NFIB: variants seen among roughly 807,000 people sequenced by gnomAD.
NFIB encodes the protein nuclear factor I B, also known as nuclear factor 1 B-type.
In NFIB, 11 loss-of-function variants were observed where a neutral mutation model predicts 61.5. The observed-to-expected ratio is 0.18, with a 90% confidence interval of 0.11 to 0.30. NFIB has a LOEUF of 0.30. NFIB is among the 10% of genes least tolerant of loss of function. NFIB has a pLI of 1.00. For missense variants in NFIB, 471 were observed against 608.9 expected, an observed-to-expected ratio of 0.77 and a Z score of 2.38; for synonymous variants, 260 against 216.5, an observed-to-expected ratio of 1.20 and a Z score of -1.76.
chr9:14,443,801 A>G, the NFIB span, among the ~76,000 whole-genome samples: 1 of 152,206 alleles, frequency 6.6e-6, no homozygotes, highest in Non-Finnish European at 1.5e-5. Context: ...TGAAGACAGA[A>G]ACTGACTTAC....
At chr9:14,189,200 C>A (rs2047676519) in intron 2 of NFIB, among the ~76,000 whole-genome samples, 1 of 152,198 alleles carries the variant, frequency 6.6e-6, no homozygotes, top group Admixed American at 6.5e-5. Context: ...TATGTCACTT[C>A]ATGTATTTTC....
At chr9:14,289,094 G>GTGTA (rs2058906924) in intron 2 of NFIB, among the ~76,000 whole-genome samples, 1 of 147,068 alleles carries the variant, frequency 6.8e-6, no homozygotes, top group African/African-American at 2.5e-5. Flanking sequence ...GTGTGTGTGT[G>GTGTA]TGTGTGTGTG....
At chr9:14,140,375 T>G (rs1379819259) in intron 6 of NFIB, among the ~76,000 whole-genome samples, 1 of 152,194 alleles carries the variant, frequency 6.6e-6, no homozygotes, top group African/African-American at 2.4e-5. Context: ...ACTAGAGCAC[T>G]GTGTTCCAAA....
chr9:14,140,930 A>G (rs2041632654), intron 6 of NFIB, among the ~76,000 whole-genome samples: 1 of 152,070 alleles, frequency 6.6e-6, no homozygotes, highest in Non-Finnish European at 1.5e-5. Flanking sequence ...CAGAGAAAAA[A>G]CAGAAATGCT....
At chr9:14,397,885 C>T (rs1172687722) in intron 1 of NFIB, among the ~76,000 whole-genome samples, 2 of 152,284 alleles carry the variant, frequency 1.3e-5, no homozygotes, top group African/African-American at 4.8e-5. Flanking sequence ...AAAAGTGACA[C>T]ATACGGAGGA....
At chr9:14,104,522 T>C (rs1443841561) in intron 10 of NFIB, among the ~76,000 whole-genome samples, 3 of 152,116 alleles carry the variant, frequency 2.0e-5, no homozygotes, top group African/African-American at 4.8e-5. Context: ...AGAATGTTAA[T>C]GATTTATCAC....
At chr9:14,402,536 A>G (rs2061753132), upstream of NFIB, among the ~76,000 whole-genome samples, 1 of 152,178 alleles carries the variant, frequency 6.6e-6, no homozygotes, top group Non-Finnish European at 1.5e-5. Flanking sequence ...AGATTCTCTA[A>G]GCCTTAGGAT....
At chr9:14,265,294 G>A (rs1183787058) in intron 2 of NFIB, among the ~76,000 whole-genome samples, 1 of 152,154 alleles carries the variant, frequency 6.6e-6, no homozygotes, top group Non-Finnish European at 1.5e-5. Context: ...TTCACATGTT[G>A]AAGCCCAACC....
At chr9:14,282,206 C>T (rs926857804) in intron 2 of NFIB, among the ~76,000 whole-genome samples, 8 of 152,114 alleles carry the variant, frequency 5.3e-5, no homozygotes, top group Non-Finnish European at 1.2e-4. Flanking sequence ...TTTTCAGTAA[C>T]CATTCAACTA....
At chr9:14,259,860 G>T (rs1265173026) in intron 2 of NFIB, among the ~76,000 whole-genome samples, 1 of 152,160 alleles carries the variant, frequency 6.6e-6, no homozygotes, top group Non-Finnish European at 1.5e-5. Flanking sequence ...AGCTGAGATA[G>T]CACCACTGCA....
the NFIB span, among the ~76,000 whole-genome samples, chr9:14,463,092 T>C: frequency 1.3e-5 from 2 of 151,928 alleles, no homozygotes; most frequent in African/African-American, 4.8e-5. Context: ...TAACATTTAA[T>C]AAATACACAT....
chr9:14,317,851 C>T, upstream of NFIB, among the ~76,000 whole-genome samples: 1 of 152,182 alleles, frequency 6.6e-6, no homozygotes, highest in South Asian at 2.1e-4. Context: ...TCTTTTAAAT[C>T]CCAGGTAGAA....
chr9:14,418,960 G>A, the NFIB span, among the ~76,000 whole-genome samples: 3 of 152,282 alleles, frequency 2.0e-5, no homozygotes, highest in South Asian at 6.2e-4. Context: ...AGGGGTTAGA[G>A]TTTCTGATCA....
rs773919994 is a variant in NFIB at position 14,307,613 on chromosome 9, C to T, written c.31-93G>A. ...AGAAAAGAAGACCACAACCCGTTTC[C>T]AATTCAGTACAAAAAGTTATACATG... On this transcript the variant is annotated intron_variant, in intron 1 of 10. Transcript: ENST00000380953. The surrounding 1 kb of genome is among the most constrained non-coding windows in gnomAD (Gnocchi z 5.3). 63 of 1,179,510 alleles carry T rather than the reference C, an allele frequency of 5.3e-5. No homozygotes were observed. The highest frequency in any genetic ancestry group is 5.8e-5 in the Non-Finnish European group (50 of 869,100). 73.1% of individuals were successfully genotyped at this position (1,179,510 alleles called of 1,614,324 possible).
At chr9:14,135,413 G>C (rs2040930614) in intron 6 of NFIB, among the ~76,000 whole-genome samples, 1 of 152,122 alleles carries the variant, frequency 6.6e-6, no homozygotes, top group Non-Finnish European at 1.5e-5. Flanking sequence ...CAATTTAGTT[G>C]GCTACAGGCA....
intron 2 of NFIB, among the ~76,000 whole-genome samples, chr9:14,226,328 A>G (rs1250777486): frequency 2.0e-5 from 3 of 152,098 alleles, no homozygotes; most frequent in Non-Finnish European, 2.9e-5. Flanking sequence ...CAGGAGTATC[A>G]CTTGAGTCCA....
intron 1 of NFIB, among the ~76,000 whole-genome samples, chr9:14,354,966 G>A (rs914230648): frequency 6.6e-6 from 1 of 152,002 alleles, no homozygotes; most frequent in African/African-American, 2.4e-5. Context: ...TGAGAGAAGC[G>A]AACCAGAGGA....
intron 10 of NFIB, among the ~76,000 whole-genome samples, chr9:14,095,166 G>A (rs1319018648): frequency 2.0e-5 from 3 of 151,680 alleles, no homozygotes; most frequent in Admixed American, 2.0e-4. Flanking sequence ...TAAAATGTTC[G>A]GTTTAAACAT....
At chr9:14,282,052 G>T (rs146121187) in intron 2 of NFIB, among the ~76,000 whole-genome samples, 3 of 152,128 alleles carry the variant, frequency 2.0e-5, no homozygotes, top group Non-Finnish European at 1.5e-5. Flanking sequence ...CTATTCCACA[G>T]CTCTGTCTAC....
Sources: gnomAD v4.1 joint callset for allele counts (sites outside exome capture counted in the v4.1 genomes callset) on GRCh38, gnomAD v4.1.1 for gene constraint, Gnocchi (gnomAD v3.1) non-coding constraint, MANE v1.5 for transcripts, NCBI Gene and HGNC (gene_info 2026-07-23, HGNC 2026-07-21) for gene names.